Variants in SORBS2 observed in about 807,000 individuals in gnomAD.
The protein encoded by SORBS2 is sorbin and SH3 domain containing 2.
A neutral mutation model predicts 97.7 loss-of-function variants in SORBS2; 46 were observed. That is an observed-to-expected ratio of 0.47 (90% CI 0.37 to 0.60). The LOEUF (loss-of-function observed/expected upper bound fraction) is 0.60. Among genes scored for constraint, SORBS2 ranks in the 20% least tolerant of loss-of-function variants. The pLI, the probability that SORBS2 is intolerant of heterozygous loss-of-function variation, is 0.00. For synonymous variants in SORBS2, 476 were observed against 473.4 expected, an observed-to-expected ratio of 1.01 and a Z score of -0.07; for missense variants, 1,316 against 1,282.3, an observed-to-expected ratio of 1.03 and a Z score of -0.40.
chr4:185,623,392 T>G lies in SORBS2; in HGVS notation c.1737A>C (p.Glu579Asp). Residue 579 changes from glutamate to aspartate, a missense_variant, in exon 7 of 15, where the codon GAA becomes GAC. Transcript: ENST00000418609. This position sits in a 1 kb window ranked among gnomAD's most constrained non-coding sequence, Gnocchi z 6.4. ...CCTCGGTGTTTTCGTGTCTGGCTCT[T>G]TCGTGTTTTAACATTGTGGTAAATC... 1 of 1,612,478 alleles carries G rather than the reference T, an allele frequency of 6.2e-7. No individual in the cohort carries two copies. Among genetic ancestry groups the G allele is most frequent in the Non-Finnish European group, 8.5e-7 (1 of 1,180,024 alleles).
chr4:185,809,574 C>G (rs1270393503), intron 1 of SORBS2, among the ~76,000 whole-genome samples: 2 of 150,292 alleles, frequency 1.3e-5, no homozygotes, highest in Non-Finnish European at 2.9e-5. Flanking sequence ...TAAAAATAGC[C>G]ATAAGCGAAA....
At chr4:185,845,432 G>A (rs2099214024) in intron 1 of SORBS2, among the ~76,000 whole-genome samples, 3 of 152,144 alleles carry the variant, frequency 2.0e-5, no homozygotes, top group Non-Finnish European at 4.4e-5. Context: ...TTAATATTAT[G>A]TGCATTTTGC....
At chr4:185,929,327 T>C (rs1400172333) in intron 1 of SORBS2, among the ~76,000 whole-genome samples, 1 of 152,102 alleles carries the variant, frequency 6.6e-6, no homozygotes, top group East Asian at 1.9e-4. Flanking sequence ...AGGGTGTCAA[T>C]CCAGTTCTGA....
chr4:185,724,313 T>C (rs950201312), intron 2 of SORBS2, among the ~76,000 whole-genome samples: 7 of 129,836 alleles, frequency 5.4e-5, no homozygotes, highest in Non-Finnish European at 1.1e-4. Flanking sequence ...ACTTGGGATA[T>C]TCCACTGCCC....
exon 3 of SORBS2, chr4:185,649,502 C>A: frequency 6.3e-7 from 1 of 1,591,776 alleles, no homozygotes. Context: ...GTCGAAGCGG[C>A]GGGACTGGAG....
chr4:185,699,125 AT>A (rs1462562482), intron 2 of SORBS2, among the ~76,000 whole-genome samples: 1 of 152,098 alleles, frequency 6.6e-6, no homozygotes, highest in Non-Finnish European at 1.5e-5. Flanking sequence ...ATTATTACAA[AT>A]TCATGTTTAT....
At chr4:185,611,431 TA>T (rs1252798167) in intron 12 of SORBS2, among the ~76,000 whole-genome samples, 1 of 151,696 alleles carries the variant, frequency 6.6e-6, no homozygotes, top group African/African-American at 2.4e-5. Context: ...TTTACATATA[TA>T]AAAATGAAGC....
chr4:185,602,066 A>G (rs978887237), intron 12 of SORBS2, among the ~76,000 whole-genome samples: 1 of 152,074 alleles, frequency 6.6e-6, no homozygotes, highest in East Asian at 1.9e-4. Context: ...GCTGGAGTGC[A>G]GTGGCACGGT....
chr4:185,592,259 A>C (rs1346098788), intron 13 of SORBS2, among the ~76,000 whole-genome samples: 2 of 152,250 alleles, frequency 1.3e-5, no homozygotes, highest in Non-Finnish European at 2.9e-5. Flanking sequence ...CTTATTTTTA[A>C]ATGAAAGCAA....
chr4:185,714,050 A>T (rs1332978722), intron 2 of SORBS2, among the ~76,000 whole-genome samples: 1 of 152,240 alleles, frequency 6.6e-6, no homozygotes, highest in Non-Finnish European at 1.5e-5. Context: ...AAGTATAATG[A>T]AAAAATTACT....
intron 2 of SORBS2, among the ~76,000 whole-genome samples, chr4:185,725,022 T>TA (rs2098546033): frequency 6.6e-6 from 1 of 152,214 alleles, no homozygotes; most frequent in South Asian, 2.1e-4. Context: ...TCAGTGTACT[T>TA]AAAAACAAAA....
intron 1 of SORBS2, among the ~76,000 whole-genome samples, chr4:185,887,139 C>T (rs1285569849): frequency 6.6e-6 from 1 of 152,170 alleles, no homozygotes; most frequent in Non-Finnish European, 1.5e-5. Flanking sequence ...AAAAGAGGGT[C>T]CACGAGCCCA....
intron 2 of SORBS2, among the ~76,000 whole-genome samples, chr4:185,690,098 A>T (rs1347317268): frequency 6.6e-6 from 1 of 152,230 alleles, no homozygotes; most frequent in East Asian, 1.9e-4. Context: ...TGCTTATAAC[A>T]CTATGGGAAT....
chr4:185,753,236 CA>C (rs980864336), intron 2 of SORBS2, among the ~76,000 whole-genome samples: 14 of 151,950 alleles, frequency 9.2e-5, no homozygotes, highest in African/African-American at 2.9e-4. Flanking sequence ...CCCATAAACA[CA>C]AAAAATAAAA....
chr4:185,866,269 G>T (rs951127998), intron 1 of SORBS2, among the ~76,000 whole-genome samples: 1 of 152,170 alleles, frequency 6.6e-6, no homozygotes, highest in African/African-American at 2.4e-5. Context: ...CAAACCAAGC[G>T]CAGTGTTTAC....
chr4:185,589,637 T>C (rs749056847), intron 14 of SORBS2, 42 bp downstream of exon 26: 1 of 1,210,324 alleles, frequency 8.3e-7, no homozygotes, highest in Admixed American at 1.7e-5. Flanking sequence ...CTCAAGCAAA[T>C]TACAAAATAG....
chr4:185,906,225 G>GT (rs2099250743), intron 1 of SORBS2, among the ~76,000 whole-genome samples: 1 of 152,158 alleles, frequency 6.6e-6, no homozygotes, highest in South Asian at 2.1e-4. Flanking sequence ...TAGAGACAGG[G>GT]TTTCTCCTTG....
chr4:185,618,483 A>C (rs1156232509), intron 9 of SORBS2, 102 bp downstream of exon 21: 12 of 554,014 alleles, frequency 2.2e-5, no homozygotes, highest in Admixed American at 5.9e-5. Flanking sequence ...ATTGGGAATT[A>C]GACCTCATTT....
intron 6 of SORBS2, among the ~76,000 whole-genome samples, chr4:185,624,913 AG>A (rs1228722835): frequency 6.6e-6 from 1 of 152,228 alleles, no homozygotes; most frequent in African/African-American, 2.4e-5. Flanking sequence ...GCAATTTAAT[AG>A]GGCCGGAATT....
Sources: allele counts gnomAD v4.1 joint callset (sites outside exome capture counted in the v4.1 genomes callset), GRCh38; gene constraint gnomAD v4.1.1; non-coding constraint Gnocchi (gnomAD v3.1); transcripts MANE v1.5; gene names NCBI Gene and HGNC (gene_info 2026-07-23, HGNC 2026-07-21).